The following PRICKLE1 variants were observed in gnomAD, a reference collection of about 807,000 sequenced individuals.
The protein encoded by PRICKLE1 is prickle planar cell polarity protein 1, also known as prickle-like protein 1.
A neutral mutation model predicts 70.2 loss-of-function variants in PRICKLE1; 14 were observed. The observed-to-expected ratio is 0.20, with a 90% confidence interval of 0.13 to 0.31. The LOEUF (loss-of-function observed/expected upper bound fraction) is 0.31. PRICKLE1 is among the 10% of genes least tolerant of loss of function. PRICKLE1 has a pLI of 1.00. For synonymous variants in PRICKLE1, 357 were observed against 379.9 expected (o/e 0.94, Z 0.70); for missense variants, 821 against 1,026.2 (o/e 0.80, Z 2.73).
chr12:42,495,573 A>C (rs1363459643), intron 1 of PRICKLE1, among the ~76,000 whole-genome samples: 3 of 149,000 alleles, frequency 2.0e-5, no homozygotes, highest in African/African-American at 2.5e-5. Flanking sequence ...CTGCAGTTAC[A>C]TCCTCCATTG....
At chr12:42,473,995 C>T (rs914800846) in intron 1 of PRICKLE1, among the ~76,000 whole-genome samples, 2 of 152,102 alleles carry the variant, frequency 1.3e-5, no homozygotes, top group Admixed American at 1.3e-4. Context: ...GATTATTGGC[C>T]GGGCGTGGTA....
chr12:42,477,299 G>A (rs1032592201), intron 1 of PRICKLE1, among the ~76,000 whole-genome samples: 7 of 150,148 alleles, frequency 4.7e-5, no homozygotes, highest in Non-Finnish European at 1.0e-4. Context: ...TTGAAGCCAG[G>A]AGGCAGAGGT....
intron 1 of PRICKLE1, among the ~76,000 whole-genome samples, chr12:42,542,599 C>T (rs889179309): frequency 6.6e-6 from 1 of 152,046 alleles, no homozygotes; most frequent in African/African-American, 2.4e-5. Flanking sequence ...TGCAGTGAGC[C>T]GAGATCATGC....
chr12:42,459,998 AGAGGAGGAG>A lies in PRICKLE1; in HGVS notation c.2298_2306del (p.Ser768_Ser770del), dbSNP rs779393661. On this transcript the variant is annotated inframe_deletion, in exon 8 of 8. Coordinates refer to ENST00000345127, the MANE Select transcript of PRICKLE1 (RefSeq NM_153026.3). ...AATATCCTTCTTCTTCCGAGTCGGA[AGAGGAGGAG>A]GAGGAAGAACACCAGGAATCATCAT... The A allele has an allele frequency of 1.2e-6, 2 of 1,614,014 alleles. No homozygotes were observed. The highest frequency in any genetic ancestry group is 2.2e-5 in the East Asian group (1 of 44,860).
rs554697746 is a variant in PRICKLE1, at chr12:42,515,135, G to T, written c.-48-42571C>A. On this transcript the variant is annotated intron_variant, in intron 1 of 7. Transcript: ENST00000345127. ...GGTTTGCATCATGTTGGGCGGGCTA[G>T]TTTCCAACTCCTGTCCTCAAGTGAT... 2.0e-5 allele frequency among the ~76,000 whole-genome samples: 3 copies of T among 151,812 alleles called. No homozygotes were observed. The South Asian group carries it at 6.2e-4, about 32-fold the overall frequency.
In PRICKLE1 at chr12:42,466,493, A is replaced by G. The variant is rs572141534; in HGVS notation, c.589-113T>C. The G allele has an allele frequency of 1.4e-4, 123 of 857,690 alleles. 1 individual carries two copies. The African/African-American group carries it at 1.9e-3, about 13-fold the overall frequency. 53.1% of individuals were successfully genotyped at this position (857,690 alleles called of 1,614,324 possible). A position where few individuals can be genotyped will look rare whatever the true frequency, so the allele number is the denominator to read the frequency against. On this transcript the variant is annotated intron_variant, in intron 5 of 7. Coordinates refer to ENST00000345127, the MANE Select transcript of PRICKLE1 (RefSeq NM_153026.3). The stretch of plus-strand genomic sequence containing the variant: ...TGGACAGACACTGGCTCTTAAAAAA[A>G]TCAGATAGCTAACCTTGTTTCTTAG...
At chr12:42,544,023 C>T (rs1940163625) in intron 1 of PRICKLE1, among the ~76,000 whole-genome samples, 1 of 151,932 alleles carries the variant, frequency 6.6e-6, no homozygotes, top group Admixed American at 6.6e-5. Flanking sequence ...TCATAAAGGT[C>T]TTCATCCATG....
chr12:42,515,891 T>C (rs1303207963), intron 1 of PRICKLE1, among the ~76,000 whole-genome samples: 1 of 152,224 alleles, frequency 6.6e-6, no homozygotes, highest in Non-Finnish European at 1.5e-5. Flanking sequence ...TACACAGTAC[T>C]TGGTAAGCCT....
intron 6 of PRICKLE1, chr12:42,465,804 T>C: frequency 3.0e-6 from 1 of 337,132 alleles, no homozygotes; most frequent in South Asian, 2.8e-5. Flanking sequence ...GTGAGTTCAA[T>C]ATTAATGCAT....
At chr12:42,476,439 C>T (rs979812613) in intron 1 of PRICKLE1, among the ~76,000 whole-genome samples, 1 of 151,914 alleles carries the variant, frequency 6.6e-6, no homozygotes, top group African/African-American at 2.4e-5. Context: ...ACTTCGGCCT[C>T]TCAAAGTGCT....
chr12:42,540,852 C>T (rs193292984), intron 1 of PRICKLE1, among the ~76,000 whole-genome samples: 36 of 152,088 alleles, frequency 2.4e-4, no homozygotes, highest in Non-Finnish European at 4.1e-4. Flanking sequence ...TGAGCCACTG[C>T]GCCCAGCCAA....
At chr12:42,573,783 C>T (rs1471871797) in intron 1 of PRICKLE1, among the ~76,000 whole-genome samples, 1 of 152,088 alleles carries the variant, frequency 6.6e-6, no homozygotes, top group East Asian at 1.9e-4. Flanking sequence ...GATCCACCCG[C>T]CTTGGCCTCC....
chr12:42,469,472 A>C lies in PRICKLE1; in HGVS notation c.362T>G (p.Val121Gly), dbSNP rs1189848927. 1 of 1,614,054 alleles carries C rather than the reference A, an allele frequency of 6.2e-7. No homozygotes were observed. The highest frequency in any genetic ancestry group is 8.5e-7 in the Non-Finnish European group (1 of 1,180,044). ...RGTIKLLSRA[V>G]MHAVCEQCGL... Reference sequence around the variant, plus strand: ...CACCTGCTCACACACAGCATGCATGACTGCTCTGGACAGAAGCTTAATTGT... The same window carrying C: ...CACCTGCTCACACACAGCATGCATGCCTGCTCTGGACAGAAGCTTAATTGT... Residue 121 changes from valine to glycine, a missense_variant, in exon 4 of 8, where the codon GTC (valine) becomes GGC (glycine). By Grantham distance (109) the Val-to-Gly change is moderately radical. Transcript: ENST00000345127.
At chr12:42,588,678 C>T (rs1941023938) in intron 1 of PRICKLE1, among the ~76,000 whole-genome samples, 1 of 152,124 alleles carries the variant, frequency 6.6e-6, no homozygotes, top group Admixed American at 6.5e-5. Flanking sequence ...AGCCGTCCTC[C>T]CTCTCTCCCA....
At chr12:42,499,229 T>C (rs1188615006) in intron 1 of PRICKLE1, among the ~76,000 whole-genome samples, 1 of 152,190 alleles carries the variant, frequency 6.6e-6, no homozygotes, top group Non-Finnish European at 1.5e-5. Flanking sequence ...AGGAGAAAAG[T>C]AAGATAAATT....
chr12:42,553,097 C>A (rs1246976118), intron 1 of PRICKLE1, among the ~76,000 whole-genome samples: 1 of 152,090 alleles, frequency 6.6e-6, no homozygotes, highest in Non-Finnish European at 1.5e-5. Flanking sequence ...GGGGTGGGGA[C>A]CCCTGTCTTA....
chr12:42,464,549 T>G lies in PRICKLE1; in HGVS notation c.1485A>C (p.Arg495Ser). 4 of 1,613,980 alleles carry G rather than the reference T, an allele frequency of 2.5e-6. No homozygotes were observed. Among genetic ancestry groups the G allele is most frequent in the Non-Finnish European group, 3.4e-6 (4 of 1,180,006 alleles). ...YGSHPGPASS[R>S]RLQELELDHG... ...GGTCCAGTTCCAATTCCTGAAGCCTTCTACTGCTTGCAGGGCCTGGGTGGC... is the reference window on the plus strand; with the variant it reads ...GGTCCAGTTCCAATTCCTGAAGCCTGCTACTGCTTGCAGGGCCTGGGTGGC... The change falls in exon 7 of 8, where the codon AGA (arginine) becomes AGC (serine). Residue 495 changes from arginine (R) to serine (S), a missense_variant. Coordinates refer to ENST00000345127, the MANE Select transcript of PRICKLE1 (RefSeq NM_153026.3). The surrounding 1 kb of genome is among the most constrained non-coding windows in gnomAD (Gnocchi z 4.2).
intron 6 of PRICKLE1, chr12:42,465,495 T>C (rs1160710980): frequency 1.8e-6 from 1 of 540,946 alleles, no homozygotes. Context: ...CATTCGCAGA[T>C]GTGCAGAGTG....
intron 1 of PRICKLE1, among the ~76,000 whole-genome samples, chr12:42,556,227 G>C (rs139803919): frequency 1.3e-5 from 2 of 152,190 alleles, no homozygotes; most frequent in African/African-American, 2.4e-5. Flanking sequence ...CTGCATAAAG[G>C]GTTTCAATGT....
Sources: gnomAD v4.1 joint callset for allele counts (sites outside exome capture counted in the v4.1 genomes callset) on GRCh38, gnomAD v4.1.1 for gene constraint, Gnocchi (gnomAD v3.1) non-coding constraint, MANE v1.5 for transcripts, NCBI Gene and HGNC (gene_info 2026-07-23, HGNC 2026-07-21) for gene names.